The following CHD2 variants were observed in gnomAD, a reference collection of about 807,000 sequenced individuals.
CHD2 encodes the protein chromodomain helicase DNA binding protein 2.
In CHD2, 28 loss-of-function variants were observed where a neutral mutation model predicts 243.9. The observed-to-expected ratio is 0.11, with a 90% CI of 0.09 to 0.16. The LOEUF is 0.16. Ranked by LOEUF, CHD2 falls within the 10% of genes least tolerant of loss-of-function variation. CHD2 has a pLI of 1.00. For synonymous variants in CHD2, 775 were observed against 779.0 expected (o/e 0.99, Z 0.09); for missense variants, 1,386 against 2,209.8 (o/e 0.63, Z 7.47).
intron 18 of CHD2, among the ~76,000 whole-genome samples, 163 bp from the exon 19 acceptor site, chr15:92,972,102 A>G (rs1013134576): frequency 1.3e-5 from 2 of 152,234 alleles, no homozygotes; most frequent in Admixed American, 1.3e-4. Flanking sequence ...TATAGTATCA[A>G]CAGATACTGG....
In CHD2 at chr15:92,972,586, TCA is replaced by T. The variant is rs909717153; in HGVS notation, c.2505+171_2505+172del. 6.5e-4 allele frequency among the ~76,000 whole-genome samples: 38 copies of T among 58,060 alleles called. 14 individuals are homozygous for T. Among genetic ancestry groups the T allele is most frequent in the African/African-American group, 1.4e-3 (38 of 27,262 alleles). 38.1% of individuals were successfully genotyped at this position (58,060 alleles called of 152,430 possible). On this transcript the variant is annotated intron_variant, in intron 19 of 38. Coordinates refer to ENST00000394196, the MANE Select transcript of CHD2 (RefSeq NM_001271.4). ...ATTCCAGGGGGCCGGGCGCGGTGGC[TCA>T]CGCCTGTAATCCCAGCACTTTGGGA... is the stretch of plus-strand genomic sequence containing the variant.
At chr15:92,988,583 A>G (rs1020749166) in intron 26 of CHD2, among the ~76,000 whole-genome samples, 3 of 152,172 alleles carry the variant, frequency 2.0e-5, no homozygotes, top group African/African-American at 4.8e-5. Flanking sequence ...TCTGCTAACA[A>G]TGGATTCTCT....
At chr15:92,949,098 C>G in intron 13 of CHD2, 22 bp downstream of exon 13, 1 of 1,602,230 alleles carries the variant, frequency 6.2e-7, no homozygotes, top group Non-Finnish European at 8.5e-7. Context: ...AATATGAGTG[C>G]AATTTTCCTT....
In CHD2 at chr15:92,972,270, C is replaced by T. The variant is rs760012115; in HGVS notation, c.2358C>T (p.Leu786=). 6.2e-7 allele frequency: 1 copy of T among 1,610,008 alleles called. No homozygotes were observed. Among genetic ancestry groups the T allele is most frequent in the South Asian group, 1.1e-5 (1 of 90,608 alleles). The part of the protein sequence containing the change: ...RENGQEILLS[L]IRSSGKLILL... Reference sequence around the variant, plus strand: ...AATGTCTTTTAAATCTTCAGTCCCTCATAAGGAGCAGTGGGAAGTTGATTT... The same window carrying T: ...AATGTCTTTTAAATCTTCAGTCCCTTATAAGGAGCAGTGGGAAGTTGATTT... The change falls in exon 19 of 39, where the codon CTC becomes CTT. Residue 786 remains leucine (L), a synonymous_variant. Coordinates refer to ENST00000394196, the MANE Select transcript of CHD2 (RefSeq NM_001271.4).
intron 16 of CHD2, 38 bp from the exon 17 acceptor site, chr15:92,967,287 C>G: frequency 5.0e-6 from 7 of 1,389,156 alleles, no homozygotes; most frequent in Non-Finnish European, 5.8e-6. Flanking sequence ...TTCTTTTCCT[C>G]AATGTGGCTA....
chr15:93,024,171 C>T (rs1377621031), intron 38 of CHD2, among the ~76,000 whole-genome samples: 1 of 151,646 alleles, frequency 6.6e-6, no homozygotes, highest in Non-Finnish European at 1.5e-5. Context: ...ACTTGTGTCA[C>T]TGCACACTTG....
At chr15:93,000,694 CA>C in intron 32 of CHD2, 54 bp downstream of exon 32, 1 of 1,538,336 alleles carries the variant, frequency 6.5e-7, no homozygotes. Flanking sequence ...CTATACTTAT[CA>C]TGCCAGCTGG....
At chr15:92,926,990 T>TGTTTAC (rs56695674) in intron 3 of CHD2, among the ~76,000 whole-genome samples, 7 of 151,968 alleles carry the variant, frequency 4.6e-5, no homozygotes, top group African/African-American at 1.5e-4. Context: ...TTCAGCTGTA[T>TGTTTAC]ATTTTAATGA....
At chr15:92,969,570 CACA>C (rs1202189873) in intron 17 of CHD2, among the ~76,000 whole-genome samples, 1 of 152,176 alleles carries the variant, frequency 6.6e-6, no homozygotes, top group Non-Finnish European at 1.5e-5. Flanking sequence ...ATTTGGAGAC[CACA>C]TACTGGGCCC....
rs149696735 is a variant in CHD2 at position 93,020,164 on chromosome 15, G to A, written c.5059G>A (p.Gly1687Arg). The change falls in exon 38 of 39, where the codon GGA becomes AGA. Residue 1687 changes from glycine (G) to arginine (R), a missense_variant. Gly to Arg is a moderately radical substitution (Grantham distance 125). Around this residue, in one of 19 missense-constraint regions of CHD2, gnomAD observed 347 missense variants for 341.6 expected, o/e 1.02. Transcript: ENST00000394196. The part of the protein sequence containing the change: ...DRRHMDAHRS[G>R]SYRPNNMSRK... ...GCGACATATGGATGCCCACCGTTCC[G>A]GAAGCTATCGACCCAACAACATGTC... 30 of 1,613,906 alleles carry A rather than the reference G, an allele frequency of 1.9e-5. No homozygotes were observed. The highest frequency in any genetic ancestry group is 4.5e-5 in the East Asian group (2 of 44,882).
At chr15:92,939,171 G>T (rs1006443077) in intron 6 of CHD2, among the ~76,000 whole-genome samples, 1 of 151,958 alleles carries the variant, frequency 6.6e-6, no homozygotes, top group African/African-American at 2.4e-5. Flanking sequence ...CTGTTTAGGT[G>T]TATATCAATA....
intron 33 of CHD2, among the ~76,000 whole-genome samples, chr15:93,003,443 C>T (rs892635298): frequency 1.3e-5 from 2 of 151,546 alleles, no homozygotes; most frequent in African/African-American, 4.9e-5. Context: ...TTTGTGCTCC[C>T]ACAGAAAGAC....
At chr15:92,972,491 C>G in intron 19 of CHD2, 74 bp downstream of exon 19, 1 of 1,318,240 alleles carries the variant, frequency 7.6e-7, no homozygotes, top group South Asian at 1.5e-5. Flanking sequence ...CCTTCCTACA[C>G]TGGGTTGTAT....
At chr15:93,006,012 TA>T (rs1348901064) in intron 34 of CHD2, among the ~76,000 whole-genome samples, 1 of 152,182 alleles carries the variant, frequency 6.6e-6, no homozygotes, top group Non-Finnish European at 1.5e-5. Flanking sequence ...TAGTCATTGA[TA>T]AATATACCAT....
intron 7 of CHD2, 69 bp downstream of exon 7, chr15:92,939,787 A>T: frequency 1.3e-6 from 2 of 1,538,822 alleles, no homozygotes; most frequent in Non-Finnish European, 1.8e-6. Flanking sequence ...TTTGGTTCTC[A>T]TAAGTCCGGG....
chr15:92,913,679 C>A (rs2052782855), intron 2 of CHD2, among the ~76,000 whole-genome samples: 1 of 152,134 alleles, frequency 6.6e-6, no homozygotes, highest in Non-Finnish European at 1.5e-5. Flanking sequence ...TAGGGAGATG[C>A]CATTTCTACA....
At chr15:92,928,281 G>C (rs1325054213) in intron 4 of CHD2, among the ~76,000 whole-genome samples, 1 of 152,192 alleles carries the variant, frequency 6.6e-6, no homozygotes, top group African/African-American at 2.4e-5. Context: ...ACTGAGCCAT[G>C]TTTGTTAAAA....
intron 37 of CHD2, among the ~76,000 whole-genome samples, chr15:93,017,638 C>T (rs1052653172): frequency 9.2e-5 from 14 of 152,018 alleles, no homozygotes; most frequent in South Asian, 4.2e-4. Flanking sequence ...TGAGCCACTG[C>T]GCCTGGCCTA....
intron 17 of CHD2, among the ~76,000 whole-genome samples, chr15:92,970,386 A>G (rs2053825405): frequency 6.6e-6 from 1 of 152,078 alleles, no homozygotes; most frequent in Non-Finnish European, 1.5e-5. Flanking sequence ...GTTTTAGTAG[A>G]GATGGAGTTT....
Sources: gnomAD v4.1 joint callset for allele counts (sites outside exome capture counted in the v4.1 genomes callset) on GRCh38, gnomAD v4.1.1 for gene constraint, gnomAD v4.1.1 regional missense constraint, MANE v1.5 for transcripts, NCBI Gene and HGNC (gene_info 2026-07-23, HGNC 2026-07-21) for gene names.